Variants in PAQR3 observed in about 807,000 individuals in gnomAD.
PAQR3 encodes the protein Raf kinase trapping to Golgi.
PAQR3 carries 39 observed loss-of-function variants against 41.7 expected under a neutral mutation model. That is an observed-to-expected ratio of 0.93 (90% confidence interval 0.72 to 1.22). PAQR3 has a LOEUF of 1.22. PAQR3 is among the 50% of genes most tolerant of loss of function. The pLI, the probability that PAQR3 is intolerant of heterozygous loss-of-function variation, is 0.00. For synonymous variants in PAQR3, 140 were observed against 140.6 expected (o/e 1.00, Z 0.03); for missense variants, 366 against 385.6 (o/e 0.95, Z 0.42).
intron 11 of PAQR3, chr4:78,898,766 A>G (rs1410097742): frequency 6.6e-6 from 1 of 152,052 alleles, no homozygotes; most frequent in African/African-American, 2.4e-5. Context: ...CACTTGGACA[A>G]TGTGAATTGG....
chr4:78,923,042 C>CT, intron 5 of PAQR3: 1 of 449,682 alleles, frequency 2.2e-6, no homozygotes, highest in Non-Finnish European at 4.5e-6. Context: ...CACAAAGACT[C>CT]TTAACTTTCA....
chr4:78,905,179 C>T (rs899714031), intron 11 of PAQR3, among the ~76,000 whole-genome samples: 1 of 151,770 alleles, frequency 6.6e-6, no homozygotes, highest in African/African-American at 2.4e-5. Context: ...GTTTTGTTTA[C>T]AGATATTGGT....
rs1737767615 is a variant in PAQR3, at chr4:78,939,163, G to A, written c.62C>T (p.Pro21Leu). 1.9e-6 allele frequency: 3 copies of A among 1,613,314 alleles called. No homozygotes were observed. The highest frequency in any genetic ancestry group is 1.6e-4 in the Middle Eastern group (1 of 6,084). The change falls in exon 1 of 6, where the codon CCG (proline) becomes CTG (leucine). Residue 21 changes from proline (P) to leucine (L), a missense_variant. Transcript: ENST00000512733. The part of the protein sequence containing the change: ...YIELGSYQYW[P>L]VLVPRGIRLY... Reference sequence around the variant, plus strand: ...GCGGATGCCACGGGGCACCAGGACCGGCCAGTACTGGTAGCTGCCCAGCTC... The same window carrying A: ...GCGGATGCCACGGGGCACCAGGACCAGCCAGTACTGGTAGCTGCCCAGCTC...
At chr4:78,931,428 G>A (rs891320755) in intron 2 of PAQR3, among the ~76,000 whole-genome samples, 5 of 152,056 alleles carry the variant, frequency 3.3e-5, no homozygotes, top group African/African-American at 1.2e-4. Flanking sequence ...AAAAAACAGT[G>A]ATGACTTGCT....
chr4:78,923,014 G>A (rs1355907444), intron 5 of PAQR3: 2 of 455,640 alleles, frequency 4.4e-6, no homozygotes. Context: ...AAATCTATTG[G>A]CTTGTGTATC....
rs60388137 is a variant in PAQR3 at position 78,912,605 on chromosome 4, ACT to A, written c.*7932_*7933del. 10,352 of 152,182 alleles carry A rather than the reference ACT, an allele frequency of 0.068. 460 individuals carry two copies. Among genetic ancestry groups the A allele is most frequent in the East Asian group, 0.21 (1,101 of 5,172 alleles). The allele number at this position is 152,182 out of a possible 1,614,324, so 9.4% of individuals were successfully genotyped here. On this transcript the variant is annotated 3_prime_UTR_variant, in exon 6 of 6. Coordinates refer to ENST00000512733, the MANE Select transcript of PAQR3 (RefSeq NM_001040202.2). ...GAAGTAACTGACTATTGTGCCTAAA[ACT>A]CTGTTTCATTTTTAAAAACAAGTGC...
intron 11 of PAQR3, among the ~76,000 whole-genome samples, chr4:78,896,439 C>T (rs979697547): frequency 6.6e-6 from 1 of 152,112 alleles, no homozygotes; most frequent in Admixed American, 6.6e-5. Flanking sequence ...AGGCAAATCA[C>T]CTACTTGCTG....
At chr4:78,920,741 A>C (rs1735580825) in intron 5 of PAQR3, 60 bp from the exon 6 acceptor site, 3 of 1,527,132 alleles carry the variant, frequency 2.0e-6, no homozygotes, top group Admixed American at 3.8e-5. Context: ...TAAAGGAAAA[A>C]TATATTTCTT....
chr4:78,892,126 T>C (rs1458771797), intron 11 of PAQR3, among the ~76,000 whole-genome samples: 1 of 152,210 alleles, frequency 6.6e-6, no homozygotes, highest in East Asian at 1.9e-4. Flanking sequence ...TTGGGAAATG[T>C]TACTTGTACT....
chr4:78,931,463 G>C (rs1405898921), intron 2 of PAQR3, among the ~76,000 whole-genome samples: 1 of 152,162 alleles, frequency 6.6e-6, no homozygotes, highest in Non-Finnish European at 1.5e-5. Flanking sequence ...GCCAAACTGA[G>C]AGTAAAGCTA....
chr4:78,911,819 TCCGTGCTGATCACAA>T (rs761885552), downstream of PAQR3: 5 of 1,613,838 alleles, frequency 3.1e-6, no homozygotes, highest in East Asian at 1.1e-4. Flanking sequence ...CTGAGCGACA[TCCGTGCTGATCACAA>T]TACTGTCCTG....
chr4:78,935,520 T>C (rs1737337581), intron 1 of PAQR3, among the ~76,000 whole-genome samples: 1 of 152,200 alleles, frequency 6.6e-6, no homozygotes, highest in Non-Finnish European at 1.5e-5. Context: ...ATACTTACCA[T>C]TTCCTTCTCT....
In PAQR3 at chr4:78,912,586, A is replaced by G. The variant is rs1240490117; in HGVS notation, c.*7953T>C. On this transcript the variant is annotated 3_prime_UTR_variant, in exon 6 of 6. Transcript: ENST00000512733. ...TCTCCACAAAGCAGAGCCAGAAGTA[A>G]CTGACTATTGTGCCTAAAACTCTGT... The G allele has an allele frequency of 6.6e-6, 1 of 151,484 alleles. No homozygotes were observed. The highest frequency in any genetic ancestry group is 2.0e-4 in the East Asian group (1 of 5,106). 9.4% of individuals were successfully genotyped at this position (151,484 alleles called of 1,614,324 possible).
intron 11 of PAQR3, among the ~76,000 whole-genome samples, chr4:78,888,667 T>C (rs2110077061): frequency 6.6e-6 from 1 of 152,350 alleles, no homozygotes; most frequent in African/African-American, 2.4e-5. Flanking sequence ...ATTTGGAGGT[T>C]GGCCTAAAGA....
In PAQR3 at chr4:78,917,557, G is replaced by GTGATTGA. The variant is rs77366304; in HGVS notation, c.*2981_*2982insTCAATCA. On this transcript the variant is annotated 3_prime_UTR_variant, in exon 6 of 6. Transcript: ENST00000512733. ...CCTCTTTAGTGTAAACACAGTTATT[G>GTGATTGA]TGATAATGCACACAGAAGGTATTTC... The GTGATTGA allele has an allele frequency of 6.6e-6, 1 of 152,294 alleles. No homozygotes were observed. Among genetic ancestry groups the GTGATTGA allele is most frequent in the Admixed American group, 6.6e-5 (1 of 15,216 alleles). 9.4% of individuals were successfully genotyped at this position (152,294 alleles called of 1,614,324 possible).
Position 78,916,091 on chromosome 4 carries a change from A to G in PAQR3, c.*4448T>C, listed in dbSNP as rs1300640820. 1.5e-4 allele frequency: 23 copies of G among 151,976 alleles called. No homozygotes were observed. 9.4% of individuals were successfully genotyped at this position (151,976 alleles called of 1,614,324 possible). On this transcript the variant is annotated 3_prime_UTR_variant, in exon 6 of 6. Coordinates refer to ENST00000512733, the MANE Select transcript of PAQR3 (RefSeq NM_001040202.2). ...ACTTGTTACAAAACATACTTGCTAAAGTAACTTCAGTCCTCAAATATAGCT... is the reference window on the plus strand; with the variant it reads ...ACTTGTTACAAAACATACTTGCTAAGGTAACTTCAGTCCTCAAATATAGCT...
In PAQR3 at chr4:78,920,477, G is replaced by C; in HGVS notation, c.*62C>G. 1 of 1,502,816 alleles carries C rather than the reference G, an allele frequency of 6.7e-7. No homozygotes were observed. The highest frequency in any genetic ancestry group is 8.9e-7 in the Non-Finnish European group (1 of 1,122,658). 93.1% of individuals were successfully genotyped at this position (1,502,816 alleles called of 1,614,324 possible). A position where few individuals can be genotyped will look rare whatever the true frequency, so the allele number is the denominator to read the frequency against. On this transcript the variant is annotated 3_prime_UTR_variant, in exon 6 of 6. Coordinates refer to ENST00000512733, the MANE Select transcript of PAQR3 (RefSeq NM_001040202.2). ...CTAATGGGAATCTTAGAAATAGTGG[G>C]GTATACAATTCCCCATTATATATTG...
chr4:78,931,182 T>TC (rs1736838173), intron 2 of PAQR3, among the ~76,000 whole-genome samples: 1 of 95,058 alleles, frequency 1.1e-5, no homozygotes, highest in African/African-American at 4.0e-5. Context: ...AGACCTCATT[T>TC]CTTAAAAAAA....
At chr4:78,906,418 C>T (rs886097732) in intron 10 of PAQR3, among the ~76,000 whole-genome samples, 3 of 152,092 alleles carry the variant, frequency 2.0e-5, no homozygotes, top group African/African-American at 7.2e-5. Context: ...TCCCCAGTTG[C>T]CCGTACTATT....
Sources: allele counts gnomAD v4.1 joint callset (sites outside exome capture counted in the v4.1 genomes callset), GRCh38; gene constraint gnomAD v4.1.1; transcripts MANE v1.5; gene names NCBI Gene and HGNC (gene_info 2026-07-23, HGNC 2026-07-21).